Variants in ENTREP2 observed in about 807,000 individuals in gnomAD.
ENTREP2 encodes endosomal transmembrane epsin interactor 2, also known as protein ENTREP2.
chr15:29,468,712 A>T, the ENTREP2 span, among the ~76,000 whole-genome samples: 1 of 151,700 alleles, frequency 6.6e-6, no homozygotes, highest in Non-Finnish European at 1.5e-5. Context: ...CTTTTCAATT[A>T]TTAATTTGGA....
the ENTREP2 span, among the ~76,000 whole-genome samples, chr15:29,229,312 C>T: frequency 1.3e-5 from 2 of 152,024 alleles, no homozygotes; most frequent in Admixed American, 6.6e-5. Flanking sequence ...GAAATAATAG[C>T]GTATCTGGGG....
chr15:29,484,010 G>A, the ENTREP2 span, among the ~76,000 whole-genome samples: 1 of 152,186 alleles, frequency 6.6e-6, no homozygotes, highest in African/African-American at 2.4e-5. Context: ...TGGAGCTCCT[G>A]CAGGATACAC....
the ENTREP2 span, among the ~76,000 whole-genome samples, chr15:29,135,421 T>C: frequency 3.9e-4 from 60 of 152,198 alleles, no homozygotes; most frequent in African/African-American, 1.4e-3. This position sits in a 1 kb window ranked among gnomAD's most constrained non-coding sequence, Gnocchi z 7.4. Flanking sequence ...CCTTGGAGGG[T>C]GGGTCCTTGG....
the ENTREP2 span, among the ~76,000 whole-genome samples, chr15:29,625,483 C>A: frequency 1.3e-5 from 2 of 152,278 alleles, no homozygotes; most frequent in African/African-American, 4.8e-5. Context: ...GCAACCTCCG[C>A]CTCCCAGGCT....
the ENTREP2 span, among the ~76,000 whole-genome samples, chr15:29,355,349 T>A: frequency 1.3e-5 from 2 of 152,142 alleles, no homozygotes; most frequent in Non-Finnish European, 2.9e-5. Context: ...AGAGCCCCTG[T>A]ATCATGATCT....
chr15:29,159,007 C>T, the ENTREP2 span, among the ~76,000 whole-genome samples: 8 of 152,164 alleles, frequency 5.3e-5, no homozygotes, highest in South Asian at 2.1e-4. Context: ...ATAGCCTACA[C>T]GTTAAAAACA....
At chr15:29,174,620 C>T in the ENTREP2 span, among the ~76,000 whole-genome samples, 13 of 149,950 alleles carry the variant, frequency 8.7e-5, no homozygotes, top group Admixed American at 4.0e-4. Context: ...ACCTGGGAGG[C>T]GGGGTCTTGC....
chr15:29,547,784 T>C, the ENTREP2 span, among the ~76,000 whole-genome samples: 4 of 152,208 alleles, frequency 2.6e-5, no homozygotes, highest in African/African-American at 9.6e-5. Flanking sequence ...GAGATATCTG[T>C]ACACCCATGT....
the ENTREP2 span, among the ~76,000 whole-genome samples, chr15:29,645,417 T>A: frequency 1.5e-4 from 23 of 152,128 alleles, no homozygotes; most frequent in African/African-American, 4.8e-4. Context: ...TCAGGAGCAT[T>A]TACCCACCAA....
the ENTREP2 span, among the ~76,000 whole-genome samples, chr15:29,345,727 G>A: frequency 6.6e-6 from 1 of 150,782 alleles, no homozygotes; most frequent in Non-Finnish European, 1.5e-5. Context: ...TCCTTGTCCT[G>A]GGCTCTGCTT....
At chr15:29,137,426 A>G in the ENTREP2 span, among the ~76,000 whole-genome samples, 3 of 152,152 alleles carry the variant, frequency 2.0e-5, no homozygotes, top group Admixed American at 6.5e-5. Flanking sequence ...GCCTCTTTTT[A>G]AAGAAAACAT....
the ENTREP2 span, among the ~76,000 whole-genome samples, chr15:29,633,750 C>T: frequency 2.6e-3 from 400 of 152,012 alleles, 1 homozygote; most frequent in African/African-American, 8.9e-3. Flanking sequence ...CACCTGAGCT[C>T]GGGAGTTCAA....
At chr15:29,308,463 C>T in the ENTREP2 span, among the ~76,000 whole-genome samples, 10 of 152,326 alleles carry the variant, frequency 6.6e-5, no homozygotes, top group South Asian at 6.2e-4. Flanking sequence ...AGCAGAGACT[C>T]GGCACAGTGC....
At chr15:29,302,779 C>T in the ENTREP2 span, among the ~76,000 whole-genome samples, 4 of 152,140 alleles carry the variant, frequency 2.6e-5, no homozygotes, top group Non-Finnish European at 5.9e-5. Context: ...AATTTTGGAA[C>T]GCTCTGTCTT....
At chr15:29,573,965 G>C in the ENTREP2 span, among the ~76,000 whole-genome samples, 5 of 152,074 alleles carry the variant, frequency 3.3e-5, no homozygotes. Context: ...GATAAAAGTA[G>C]TTAAAGTGAG....
chr15:29,252,727 G>C, the ENTREP2 span, among the ~76,000 whole-genome samples: 1 of 152,188 alleles, frequency 6.6e-6, no homozygotes, highest in South Asian at 2.1e-4. Flanking sequence ...TAAAACCTAT[G>C]ATGATAAAAT....
the ENTREP2 span, among the ~76,000 whole-genome samples, chr15:29,315,855 G>A: frequency 1.3e-5 from 2 of 152,244 alleles, no homozygotes; most frequent in Admixed American, 6.5e-5. Context: ...CTGACCCCAC[G>A]CGATATCACT....
the ENTREP2 span, among the ~76,000 whole-genome samples, chr15:29,439,590 T>G: frequency 6.6e-6 from 1 of 152,142 alleles, no homozygotes; most frequent in African/African-American, 2.4e-5. Context: ...ACCAGGGTGA[T>G]TGCTGCTGGG....
chr15:29,608,788 C>T, the ENTREP2 span, among the ~76,000 whole-genome samples: 1 of 151,696 alleles, frequency 6.6e-6, no homozygotes. Context: ...AGGATGGTCT[C>T]GATCTCCTGA....
Sources: gnomAD v4.1 joint callset for allele counts (sites outside exome capture counted in the v4.1 genomes callset) on GRCh38, gnomAD v4.1.1 for gene constraint, Gnocchi (gnomAD v3.1) non-coding constraint, MANE v1.5 for transcripts, NCBI Gene and HGNC (gene_info 2026-07-23, HGNC 2026-07-21) for gene names.